Variants in MAPK6 observed in about 807,000 individuals in gnomAD.
MAPK6 encodes ERK-3.
A neutral mutation model predicts 59.3 loss-of-function variants in MAPK6; 19 were observed. That is an observed-to-expected ratio of 0.32 (90% CI 0.22 to 0.47). The LOEUF (loss-of-function observed/expected upper bound fraction) is 0.47. Ranked by LOEUF, MAPK6 falls within the 20% of genes least tolerant of loss-of-function variation. The pLI is 1.00. For missense variants in MAPK6, 724 were observed against 847.9 expected, an observed-to-expected ratio of 0.85 and a Z score of 1.81; for synonymous variants, 316 against 290.3, an observed-to-expected ratio of 1.09 and a Z score of -0.90.
rs71130112 is a variant in MAPK6 at position 51,984,447 on chromosome 15, A to ATTTTTTTTTTTTTTTTT, written c.-770+1145_-770+1161dup. 7.4e-4 allele frequency among the ~76,000 whole-genome samples: 52 copies of ATTTTTTTTTTTTTTTTT among 69,982 alleles called. 1 individual carries two copies. The highest frequency in any genetic ancestry group is 3.2e-3 in the East Asian group (5 of 1,548). The allele number at this position is 69,982 out of a possible 152,430, so 45.9% of individuals were successfully genotyped here. A position where few individuals can be genotyped will look rare whatever the true frequency, so the allele number is the denominator to read the frequency against. On this transcript the variant is annotated intron_variant, in intron 2 of 7. Transcript: ENST00000691380. ...CAGGCGCCTGCCAACACGCCGGCTA[A>ATTTTTTTTTTTTTTTTT]TTTTTTTTTTTTTTTTTTTTTTTTT...
intron 3 of MAPK6, among the ~76,000 whole-genome samples, chr15:52,008,318 T>C (rs778939244): frequency 6.6e-6 from 1 of 152,204 alleles, no homozygotes; most frequent in Non-Finnish European, 1.5e-5. Flanking sequence ...GTCTTTTATG[T>C]CTTAGAATGC....
chr15:52,011,236 T>C (rs1355253143), intron 3 of MAPK6: 1 of 152,214 alleles, frequency 6.6e-6, no homozygotes, highest in Non-Finnish European at 1.5e-5. Context: ...ATGATTTTTT[T>C]GTTTTTAGAA....
chr15:51,989,390 A>G (rs542319097), intron 2 of MAPK6, among the ~76,000 whole-genome samples: 77 of 152,060 alleles, frequency 5.1e-4, no homozygotes, highest in African/African-American at 1.8e-3. Context: ...TGTAACATCC[A>G]TTTTTGCCAT....
At chr15:52,040,445 A>G (rs919171570) in intron 1 of MAPK6, among the ~76,000 whole-genome samples, 3 of 152,252 alleles carry the variant, frequency 2.0e-5, no homozygotes, top group African/African-American at 7.2e-5. Flanking sequence ...GTCAGCATTT[A>G]TCCTGAGAAG....
chr15:52,016,070 G>GAGCGCGCGCACACACACA (rs1555396609), upstream of MAPK6, among the ~76,000 whole-genome samples: 1 of 55,392 alleles, frequency 1.8e-5, no homozygotes, highest in African/African-American at 7.0e-5. Flanking sequence ...GCGCGCGCGC[G>GAGCGCGCGCACACACACA]CACACACACA....
chr15:52,064,682 T>C lies in MAPK6; in HGVS notation c.1848T>C (p.Asp616=). The C allele has an allele frequency of 6.2e-7, 1 of 1,611,900 alleles. No homozygotes were observed. Residue 616 remains aspartate (D), a synonymous_variant, in exon 6 of 6, where the codon GAT becomes GAC. Transcript: ENST00000261845. ...ATCAGTTTTGTGAGGTAAGGAAGGA[T>C]GAACAAGTTGAGAAGGAAAACACTT... ...FINQFCEVRK[D]EQVEKENTYT... is the part of the protein sequence containing the mutation.
At chr15:52,060,390 T>G (rs1195943002) in intron 4 of MAPK6, among the ~76,000 whole-genome samples, 1 of 152,096 alleles carries the variant, frequency 6.6e-6, no homozygotes, top group African/African-American at 2.4e-5. Flanking sequence ...AAATGTGAAG[T>G]GGGTTTATCT....
At chr15:52,015,592 C>T (rs986283368), upstream of MAPK6, among the ~76,000 whole-genome samples, 3 of 150,930 alleles carry the variant, frequency 2.0e-5, no homozygotes, top group African/African-American at 7.3e-5. Flanking sequence ...ATTCTCCTGC[C>T]TCAACCTCCT....
chr15:52,038,223 C>G (rs932596391), intron 1 of MAPK6, among the ~76,000 whole-genome samples: 13 of 151,064 alleles, frequency 8.6e-5, no homozygotes, highest in African/African-American at 3.2e-4. Flanking sequence ...ACATGGTAAG[C>G]ATTCAGTAAA....
chr15:51,999,370 C>T (rs2057235773), intron 2 of MAPK6, among the ~76,000 whole-genome samples: 1 of 152,136 alleles, frequency 6.6e-6, no homozygotes, highest in African/African-American at 2.4e-5. Flanking sequence ...TTTACATTTC[C>T]TTAATGACCA....
rs1306106881 is a variant in MAPK6, at chr15:52,046,364, T to C, written c.-97T>C. 1 of 904,136 alleles carries C rather than the reference T, an allele frequency of 1.1e-6. No homozygotes were observed. Among genetic ancestry groups the C allele is most frequent in the Non-Finnish European group, 1.7e-6 (1 of 580,752 alleles). 56.0% of individuals were successfully genotyped at this position (904,136 alleles called of 1,614,324 possible). A position where few individuals can be genotyped will look rare whatever the true frequency, so the allele number is the denominator to read the frequency against. On this transcript the variant is annotated 5_prime_UTR_variant, in exon 2 of 6. Transcript: ENST00000261845. ...GCTGTGGAAGCATAATTATTTTTCT[T>C]CTCCCTTTTTGAAAGATCTTTCCTT... is the stretch of plus-strand genomic sequence containing the variant.
At chr15:51,991,380 C>T (rs2057208262) in intron 2 of MAPK6, among the ~76,000 whole-genome samples, 1 of 152,052 alleles carries the variant, frequency 6.6e-6, no homozygotes, top group Admixed American at 6.6e-5. Context: ...AAGTAAACAC[C>T]TTTCTCTTCT....
chr15:52,045,066 G>A (rs1240705555), intron 1 of MAPK6, among the ~76,000 whole-genome samples: 2 of 151,622 alleles, frequency 1.3e-5, no homozygotes, highest in African/African-American at 4.8e-5. Flanking sequence ...AAAAAAATGA[G>A]CATTTCTCTA....
At chr15:51,992,306 T>TATATATATATA (rs369567502) in intron 2 of MAPK6, among the ~76,000 whole-genome samples, 19 of 17,382 alleles carry the variant, frequency 1.1e-3, no homozygotes, top group South Asian at 5.5e-3. Flanking sequence ...TATATATATA[T>TATATATATATA]TTTTTTTTTT....
At chr15:52,041,276 G>A (rs1331254669) in intron 1 of MAPK6, among the ~76,000 whole-genome samples, 3 of 151,970 alleles carry the variant, frequency 2.0e-5, no homozygotes, top group Non-Finnish European at 2.9e-5. Context: ...GGCTCACAGC[G>A]ACCTCCACCT....
intron 5 of MAPK6, among the ~76,000 whole-genome samples, chr15:52,062,154 A>G (rs770481060): frequency 1.1e-4 from 16 of 149,086 alleles, no homozygotes; most frequent in Admixed American, 2.0e-4. Flanking sequence ...AGCTCAGCTC[A>G]CTGTCCTGCC....
At chr15:52,011,434 A>G (rs913336510) in intron 3 of MAPK6, 34 of 152,362 alleles carry the variant, frequency 2.2e-4, no homozygotes, top group African/African-American at 7.9e-4. Flanking sequence ...AGTGCTGTAT[A>G]GAGTTCCTAA....
intron 1 of MAPK6, among the ~76,000 whole-genome samples, chr15:51,977,303 G>C (rs1462178223): frequency 6.6e-6 from 1 of 151,312 alleles, no homozygotes; most frequent in Non-Finnish European, 1.5e-5. Flanking sequence ...GCGCCCGGCC[G>C]ATCCATCTTA....
intron 4 of MAPK6, among the ~76,000 whole-genome samples, chr15:52,060,568 TC>T (rs1450671252): frequency 1.3e-5 from 2 of 152,154 alleles, no homozygotes; most frequent in Non-Finnish European, 2.9e-5. Context: ...GTGGTGGTGA[TC>T]CAGGGTTGAA....
Sources: allele counts gnomAD v4.1 joint callset (sites outside exome capture counted in the v4.1 genomes callset), GRCh38; gene constraint gnomAD v4.1.1; transcripts MANE v1.5; gene names NCBI Gene and HGNC (gene_info 2026-07-23, HGNC 2026-07-21).